DTNB: variants seen among roughly 807,000 people sequenced by gnomAD.
DTNB encodes DTN-B.
Under a neutral mutation model 90.7 loss-of-function variants are expected in DTNB, and 63 were observed. The observed-to-expected ratio is 0.69, with a 90% confidence interval of 0.57 to 0.86. The LOEUF (loss-of-function observed/expected upper bound fraction) is 0.86. Among genes scored for constraint, DTNB ranks in the 40% least tolerant of loss-of-function variants. The pLI, the probability that DTNB is intolerant of heterozygous loss-of-function variation, is 0.00. For missense variants in DTNB, 744 were observed against 807.1 expected (o/e 0.92, Z 0.95); for synonymous variants, 277 against 286.7 (o/e 0.97, Z 0.34).
At chr2:25,541,518 AAAC>A (rs1486086594) in intron 8 of DTNB, among the ~76,000 whole-genome samples, 1 of 152,040 alleles carries the variant, frequency 6.6e-6, no homozygotes, top group Non-Finnish European at 1.5e-5. Flanking sequence ...ATAAATAAAT[AAAC>A]AAGTACAGTT....
chr2:25,470,862 C>A (rs1386790929), intron 10 of DTNB, among the ~76,000 whole-genome samples: 1 of 152,060 alleles, frequency 6.6e-6, no homozygotes, highest in Non-Finnish European at 1.5e-5. Context: ...TAATTCTCAG[C>A]AAATTAAGTT....
intron 8 of DTNB, among the ~76,000 whole-genome samples, chr2:25,534,095 T>G (rs1201118399): frequency 6.6e-6 from 1 of 152,114 alleles, no homozygotes; most frequent in Non-Finnish European, 1.5e-5. Context: ...GGTCAGCAGA[T>G]AAACACGAGA....
At chr2:25,575,249 A>C (rs991549731) in intron 8 of DTNB, among the ~76,000 whole-genome samples, 4 of 152,022 alleles carry the variant, frequency 2.6e-5, no homozygotes, top group African/African-American at 9.7e-5. Flanking sequence ...CACACAAAAA[A>C]AAAAAACCAG....
intron 6 of DTNB, among the ~76,000 whole-genome samples, chr2:25,588,369 C>CTT (rs57551264): frequency 5.5e-5 from 8 of 144,278 alleles, no homozygotes; most frequent in Admixed American, 1.4e-4. Flanking sequence ...CTTCCGAGAA[C>CTT]TTTTTTTTTT....
chr2:25,589,801 ACCTTT>A (rs2063205419), intron 6 of DTNB, among the ~76,000 whole-genome samples: 1 of 152,064 alleles, frequency 6.6e-6, no homozygotes, highest in African/African-American at 2.4e-5. Flanking sequence ...GGCCAGTGGC[ACCTTT>A]GCCGGAGTTT....
At chr2:25,488,303 G>C (rs918907763) in intron 9 of DTNB, among the ~76,000 whole-genome samples, 2 of 152,156 alleles carry the variant, frequency 1.3e-5, no homozygotes, top group African/African-American at 4.8e-5. Flanking sequence ...GACTGATTAA[G>C]TACGCAGGGT....
intron 8 of DTNB, among the ~76,000 whole-genome samples, chr2:25,550,746 T>C (rs2083471549): frequency 6.6e-6 from 1 of 152,236 alleles, no homozygotes; most frequent in African/African-American, 2.4e-5. Flanking sequence ...GCCTCCTGTA[T>C]TCAAGCAATT....
At chr2:25,437,513 C>A (rs538692044) in intron 12 of DTNB, among the ~76,000 whole-genome samples, 1 of 152,096 alleles carries the variant, frequency 6.6e-6, no homozygotes, top group Non-Finnish European at 1.5e-5. Flanking sequence ...CTGCTCACCT[C>A]GGCCTTCCCG....
At chr2:25,393,828 A>G (rs187752041) in intron 16 of DTNB, among the ~76,000 whole-genome samples, 156 of 152,278 alleles carry the variant, frequency 1.0e-3, no homozygotes, top group African/African-American at 3.6e-3. Flanking sequence ...GCCAAAAGCA[A>G]TCTACAAATT....
chr2:25,486,739 G>C (rs557433193), intron 9 of DTNB, among the ~76,000 whole-genome samples: 8 of 151,988 alleles, frequency 5.3e-5, no homozygotes, highest in East Asian at 1.9e-4. Context: ...GTATTTCCAG[G>C]TGTAAAGCAG....
At chr2:25,617,793 G>T (rs996043829) in intron 4 of DTNB, among the ~76,000 whole-genome samples, 2 of 152,068 alleles carry the variant, frequency 1.3e-5, no homozygotes, top group Non-Finnish European at 2.9e-5. Context: ...TAGGAGAATC[G>T]CTTGAACCCA....
At chr2:25,507,439 C>T (rs145016783) in intron 9 of DTNB, among the ~76,000 whole-genome samples, 35 of 152,308 alleles carry the variant, frequency 2.3e-4, no homozygotes, top group South Asian at 2.1e-3. Context: ...AGCTCTTACC[C>T]TACCCAAGCT....
At chr2:25,605,201 CTA>C (rs2066838799) in intron 5 of DTNB, among the ~76,000 whole-genome samples, 1 of 152,176 alleles carries the variant, frequency 6.6e-6, no homozygotes. Context: ...AGCAGAGAAA[CTA>C]TAATTTTTAG....
intron 16 of DTNB, among the ~76,000 whole-genome samples, chr2:25,410,498 A>T (rs2046324621): frequency 6.6e-6 from 1 of 152,184 alleles, no homozygotes; most frequent in African/African-American, 2.4e-5. Flanking sequence ...GGTATGCAAG[A>T]GTAAGTTCCT....
chr2:25,441,840 T>C (rs988072148), intron 12 of DTNB, among the ~76,000 whole-genome samples: 2 of 152,154 alleles, frequency 1.3e-5, no homozygotes, highest in African/African-American at 4.8e-5. Flanking sequence ...TCAGGCATCA[T>C]AGGCATTCCT....
intron 10 of DTNB, among the ~76,000 whole-genome samples, chr2:25,459,077 T>C (rs1023019039): frequency 1.3e-5 from 2 of 152,034 alleles, no homozygotes; most frequent in African/African-American, 4.8e-5. Flanking sequence ...TATTCATCAC[T>C]GATTTTCAGC....
intron 10 of DTNB, among the ~76,000 whole-genome samples, chr2:25,462,848 C>G (rs1391771948): frequency 6.6e-6 from 1 of 152,104 alleles, no homozygotes; most frequent in Non-Finnish European, 1.5e-5. Flanking sequence ...GGACTACAGG[C>G]GCCCGCCACC....
In DTNB at chr2:25,387,432, G is replaced by A; in HGVS notation, c.1736-54C>T. The A allele has an allele frequency of 1.9e-6, 3 of 1,553,450 alleles. No homozygotes were observed. The highest frequency in any genetic ancestry group is 2.7e-6 in the Non-Finnish European group (3 of 1,130,676). On this transcript the variant is annotated intron_variant, in intron 17 of 20. Transcript: ENST00000406818. The surrounding 1 kb of genome is among the most constrained non-coding windows in gnomAD (Gnocchi z 4.5). ...CCAGGGTGGGTGAGCGTGGAGAAGA[G>A]ACGGCTGAGCAAATGCCTCAGTTCT...
At chr2:25,575,030 A>G (rs1483993676) in intron 8 of DTNB, among the ~76,000 whole-genome samples, 2 of 152,170 alleles carry the variant, frequency 1.3e-5, no homozygotes, top group Non-Finnish European at 2.9e-5. Context: ...ACTTGTCTCT[A>G]AACAAATACA....
Sources: gnomAD v4.1 joint callset for allele counts (sites outside exome capture counted in the v4.1 genomes callset) on GRCh38, gnomAD v4.1.1 for gene constraint, Gnocchi (gnomAD v3.1) non-coding constraint, MANE v1.5 for transcripts, NCBI Gene and HGNC (gene_info 2026-07-23, HGNC 2026-07-21) for gene names.